The following LINGO2 variants were observed in gnomAD, a reference collection of about 807,000 sequenced individuals.
LINGO2 encodes leucine-rich repeat and immunoglobulin-like domain-containing nogo receptor-interacting protein 2.
In LINGO2, 14 loss-of-function variants were observed where a neutral mutation model predicts 30.6. That is an observed-to-expected ratio of 0.46 (90% CI 0.30 to 0.72). LINGO2 has a LOEUF of 0.72. Ranked by LOEUF, LINGO2 falls within the 30% of genes least tolerant of loss-of-function variation. The pLI is 0.07. For missense variants in LINGO2, 729 were observed against 751.7 expected (o/e 0.97, Z 0.35); for synonymous variants, 317 against 288.5 (o/e 1.10, Z -1.00).
intron 4 of LINGO2, among the ~76,000 whole-genome samples, chr9:28,142,991 G>T (rs1827717134): frequency 6.6e-6 from 1 of 152,098 alleles, no homozygotes; most frequent in South Asian, 2.1e-4. Flanking sequence ...TATATCAGTA[G>T]ATTTCAATCT....
At chr9:28,595,763 G>A (rs1404604834) in intron 1 of LINGO2, among the ~76,000 whole-genome samples, 2 of 152,058 alleles carry the variant, frequency 1.3e-5, no homozygotes, top group Non-Finnish European at 2.9e-5. Flanking sequence ...TAGGAAAGTA[G>A]GATCACAGCG....
the LINGO2 span, among the ~76,000 whole-genome samples, chr9:28,740,451 T>C: frequency 6.6e-6 from 1 of 151,954 alleles, no homozygotes; most frequent in Admixed American, 6.6e-5. Context: ...ATATCTTCCT[T>C]TGGAATTTTG....
the LINGO2 span, among the ~76,000 whole-genome samples, chr9:29,047,051 A>AAAAAAAAAAAC: frequency 2.5e-4 from 27 of 106,904 alleles, no homozygotes; most frequent in African/African-American, 8.0e-4. Context: ...AAAAAAAAAA[A>AAAAAAAAAAAC]CCAAAAACAA....
intron 4 of LINGO2, among the ~76,000 whole-genome samples, chr9:28,073,201 C>T (rs1388234105): frequency 6.6e-6 from 1 of 151,972 alleles, no homozygotes; most frequent in Admixed American, 6.6e-5. Context: ...GAGAAGGGCG[C>T]GCCAAAGTCC....
chr9:28,627,777 T>TA (rs1399625613), intron 1 of LINGO2, among the ~76,000 whole-genome samples: 3 of 151,984 alleles, frequency 2.0e-5, no homozygotes, highest in Non-Finnish European at 4.4e-5. Context: ...ATTGTGTAAT[T>TA]AAAAATATGC....
At chr9:29,061,856 AT>A in the LINGO2 span, among the ~76,000 whole-genome samples, 1 of 152,100 alleles carries the variant, frequency 6.6e-6, no homozygotes. Context: ...AGTTGTGTTT[AT>A]TAAAGTATAT....
At chr9:27,997,297 C>A (rs1236085649) in intron 5 of LINGO2, among the ~76,000 whole-genome samples, 1 of 152,306 alleles carries the variant, frequency 6.6e-6, no homozygotes, top group East Asian at 1.9e-4. Context: ...GAGGGTCAAG[C>A]TGTTCTTTGT....
At chr9:28,375,980 C>T (rs2134599366) in intron 2 of LINGO2, among the ~76,000 whole-genome samples, 1 of 152,066 alleles carries the variant, frequency 6.6e-6, no homozygotes, top group East Asian at 1.9e-4. Flanking sequence ...TTTGCCAGGA[C>T]AATTATCTCC....
At chr9:29,153,423 C>T in the LINGO2 span, among the ~76,000 whole-genome samples, 3 of 152,036 alleles carry the variant, frequency 2.0e-5, no homozygotes, top group African/African-American at 2.4e-5. Context: ...ATTGCTAGAA[C>T]CGTAATTTTG....
At chr9:28,787,961 T>C in the LINGO2 span, among the ~76,000 whole-genome samples, 1 of 152,178 alleles carries the variant, frequency 6.6e-6, no homozygotes, top group Non-Finnish European at 1.5e-5. Flanking sequence ...AAACAATATC[T>C]AAATTCACTA....
At chr9:28,051,695 T>C (rs1488872449) in intron 4 of LINGO2, among the ~76,000 whole-genome samples, 1 of 152,084 alleles carries the variant, frequency 6.6e-6, no homozygotes, top group Non-Finnish European at 1.5e-5. Flanking sequence ...ACCACAGTCA[T>C]TCAAGTTCCA....
the LINGO2 span, among the ~76,000 whole-genome samples, chr9:28,714,892 T>C: frequency 2.6e-5 from 4 of 152,182 alleles, no homozygotes; most frequent in Admixed American, 2.0e-4. Context: ...AGTTCTGTAA[T>C]GTTACTCATC....
chr9:28,631,444 C>A (rs1826934649), intron 1 of LINGO2, among the ~76,000 whole-genome samples: 1 of 151,942 alleles, frequency 6.6e-6, no homozygotes, highest in Non-Finnish European at 1.5e-5. Context: ...GAAAGGGATC[C>A]AGTTTCAGCT....
chr9:28,227,109 G>C (rs1821195958), intron 4 of LINGO2, among the ~76,000 whole-genome samples: 1 of 152,024 alleles, frequency 6.6e-6, no homozygotes, highest in South Asian at 2.1e-4. Context: ...CACATACTAA[G>C]CACTCAATAA....
chr9:28,768,940 AT>A, the LINGO2 span, among the ~76,000 whole-genome samples: 1 of 151,936 alleles, frequency 6.6e-6, no homozygotes, highest in African/African-American at 2.4e-5. Flanking sequence ...CATGTAACCC[AT>A]TTTTCCCACT....
intron 4 of LINGO2, among the ~76,000 whole-genome samples, chr9:28,286,143 C>A (rs1013433930): frequency 6.6e-6 from 1 of 152,094 alleles, no homozygotes; most frequent in African/African-American, 2.4e-5. Context: ...TACTAAATAA[C>A]GGCACTTTAG....
the LINGO2 span, among the ~76,000 whole-genome samples, chr9:28,881,013 C>T: frequency 6.6e-6 from 1 of 152,106 alleles, no homozygotes; most frequent in Admixed American, 6.6e-5. Flanking sequence ...ACATTCCTTT[C>T]TGCTGAAATA....
chr9:28,916,069 G>A, the LINGO2 span, among the ~76,000 whole-genome samples: 11 of 152,204 alleles, frequency 7.2e-5, no homozygotes, highest in African/African-American at 2.4e-4. Flanking sequence ...CAAATGGGTG[G>A]TCAGACATGC....
intron 4 of LINGO2, among the ~76,000 whole-genome samples, chr9:28,092,025 T>C (rs1826106458): frequency 6.6e-6 from 1 of 152,096 alleles, no homozygotes; most frequent in African/African-American, 2.4e-5. Flanking sequence ...AGAATGGCGA[T>C]CATTAAAAAG....
Sources: gnomAD v4.1 joint callset for allele counts (sites outside exome capture counted in the v4.1 genomes callset) on GRCh38, gnomAD v4.1.1 for gene constraint, MANE v1.5 for transcripts, NCBI Gene and HGNC (gene_info 2026-07-23, HGNC 2026-07-21) for gene names.